EDNRB: variants seen among roughly 807,000 people sequenced by gnomAD.
EDNRB encodes the protein endothelin receptor type B.
EDNRB carries 18 observed loss-of-function variants against 46.4 expected under a neutral mutation model. That is an observed-to-expected ratio of 0.39 (90% CI 0.27 to 0.57). The LOEUF is 0.57. Among genes scored for constraint, EDNRB ranks in the 20% least tolerant of loss-of-function variants. The probability of loss-of-function intolerance (pLI) is 0.61; values close to 1 mark genes in which losing one functional copy is unlikely to be tolerated. For synonymous variants in EDNRB, 213 were observed against 204.9 expected (o/e 1.04, Z -0.34); for missense variants, 434 against 537.5 (o/e 0.81, Z 1.90).
At chr13:77,944,483 G>T (rs1158569447) in intron 1 of EDNRB, among the ~76,000 whole-genome samples, 1 of 151,628 alleles carries the variant, frequency 6.6e-6, no homozygotes, top group Non-Finnish European at 1.5e-5. Context: ...TTTTAACCAT[G>T]TATAGGCATC....
chr13:77,927,019 A>G (rs1880258046), intron 1 of EDNRB, among the ~76,000 whole-genome samples: 1 of 152,212 alleles, frequency 6.6e-6, no homozygotes, highest in Non-Finnish European at 1.5e-5. Context: ...CCATGATTCA[A>G]ATTATTTCCC....
In EDNRB at chr13:77,898,081, T is replaced by A; in HGVS notation, c.*119A>T. 3 of 1,504,280 alleles carry A rather than the reference T, an allele frequency of 2.0e-6. No homozygotes were observed. In the South Asian group the frequency reaches 3.8e-5, roughly 19 times the overall value. The allele number at this position is 1,504,280 out of a possible 1,614,324, so 93.2% of individuals were successfully genotyped here. On this transcript the variant is annotated 3_prime_UTR_variant, in exon 7 of 7. Coordinates refer to ENST00000646607, the MANE Select transcript of EDNRB (RefSeq NM_001122659.3). ...AGTGTTAAAATAATTACACTTAATA[T>A]TTTAATAGTGTGCTGTGCAAATACA...
intron 1 of EDNRB, among the ~76,000 whole-genome samples, chr13:77,905,648 A>T (rs1470724982): frequency 6.6e-6 from 1 of 151,968 alleles, no homozygotes; most frequent in Non-Finnish European, 1.5e-5. Context: ...GTGGGATTTG[A>T]GGTGTTTTCT....
chr13:77,918,757 G>A lies in EDNRB; in HGVS notation c.-184C>T. The A allele has an allele frequency of 1.5e-6, 2 of 1,336,500 alleles. No homozygotes were observed. Among genetic ancestry groups the A allele is most frequent in the African/African-American group, 3.0e-5 (2 of 66,496 alleles). 82.8% of individuals were successfully genotyped at this position (1,336,500 alleles called of 1,614,324 possible). A position where few individuals can be genotyped will look rare whatever the true frequency, so the allele number is the denominator to read the frequency against. ...AAAAGTAACTCAAGTTTGCGCGCCA[G>A]TGGGAAACTTGGCGCTCATGACTCG... is the stretch of plus-strand genomic sequence containing the variant. On this transcript the variant is annotated 5_prime_UTR_variant, in exon 1 of 7. Transcript: ENST00000646607. The surrounding 1 kb of genome is among the most constrained non-coding windows in gnomAD (Gnocchi z 4.5).
chr13:77,969,950 G>A (rs1362335420), intron 1 of EDNRB, among the ~76,000 whole-genome samples: 2 of 151,518 alleles, frequency 1.3e-5, no homozygotes, highest in Admixed American at 6.6e-5. Flanking sequence ...CAAGAGACAT[G>A]ATGTTTGAAA....
chr13:77,954,730 C>A (rs1881186129), intron 1 of EDNRB, among the ~76,000 whole-genome samples: 2 of 152,056 alleles, frequency 1.3e-5, no homozygotes, highest in South Asian at 4.1e-4. Flanking sequence ...TGGCCTCGAA[C>A]TCCTGACCTC....
chr13:77,911,240 G>A, intron 1 of EDNRB, among the ~76,000 whole-genome samples: 1 of 151,952 alleles, frequency 6.6e-6, no homozygotes, highest in Admixed American at 6.6e-5. Context: ...AGAACCTGAG[G>A]GCCTCCTGGC....
intron 1 of EDNRB, among the ~76,000 whole-genome samples, chr13:77,964,808 A>AT (rs1566341015): frequency 7.0e-6 from 1 of 142,046 alleles, no homozygotes; most frequent in Non-Finnish European, 1.6e-5. Context: ...AAAACTATAT[A>AT]AAAAAAAAAA....
intron 1 of EDNRB, among the ~76,000 whole-genome samples, chr13:77,951,594 T>G (rs1881091611): frequency 6.6e-6 from 1 of 151,950 alleles, no homozygotes; most frequent in Non-Finnish European, 1.5e-5. Context: ...ACCAAGAAAT[T>G]GATTGGTGCA....
At chr13:77,975,386 C>G (rs535883700) in exon 1 of EDNRB, 1 of 152,464 alleles carries the variant, frequency 6.6e-6, no homozygotes, top group South Asian at 2.1e-4. Flanking sequence ...CAGTTCCTTC[C>G]CAGTGTTCAG....
At chr13:77,956,234 C>A (rs777037770) in intron 1 of EDNRB, among the ~76,000 whole-genome samples, 2 of 152,092 alleles carry the variant, frequency 1.3e-5, no homozygotes, top group Non-Finnish European at 2.9e-5. Context: ...TGAATATGTT[C>A]ACCCTCTTGG....
At chr13:77,970,310 G>A (rs899024773) in intron 1 of EDNRB, among the ~76,000 whole-genome samples, 16 of 152,222 alleles carry the variant, frequency 1.1e-4, no homozygotes, top group African/African-American at 3.1e-4. Context: ...TCAAAGGGAA[G>A]CTATAGAACG....
chr13:77,951,873 A>G (rs1594393398), intron 1 of EDNRB, among the ~76,000 whole-genome samples: 2 of 152,190 alleles, frequency 1.3e-5, no homozygotes, highest in African/African-American at 4.8e-5. Flanking sequence ...TCAAGTATGC[A>G]CCCCACTTAC....
At chr13:77,947,280 C>G (rs1176236618) in intron 1 of EDNRB, among the ~76,000 whole-genome samples, 2 of 150,956 alleles carry the variant, frequency 1.3e-5, no homozygotes, top group Non-Finnish European at 3.0e-5. Context: ...ATTGGATGAC[C>G]ACCTCAACAT....
rs115925218 is a variant in EDNRB, at chr13:77,907,239, C to T, written c.484-3632G>A. On this transcript the variant is annotated intron_variant, in intron 1 of 6. Coordinates refer to ENST00000646607, the MANE Select transcript of EDNRB (RefSeq NM_001122659.3). Reference sequence around the variant, plus strand: ...TTTGTGGACTCAGAACAGCAGATTGCCTTACCCTAGGTGGGTGGCCATTAT... The same window carrying T: ...TTTGTGGACTCAGAACAGCAGATTGTCTTACCCTAGGTGGGTGGCCATTAT... 3.5e-3 allele frequency among the ~76,000 whole-genome samples: 534 copies of T among 152,006 alleles called. 5 individuals are homozygous for T. Among genetic ancestry groups the T allele is most frequent in the African/African-American group, 0.012 (497 of 41,502 alleles).
intron 1 of EDNRB, among the ~76,000 whole-genome samples, chr13:77,970,169 C>T (rs556120116): frequency 6.6e-6 from 1 of 152,134 alleles, no homozygotes; most frequent in African/African-American, 2.4e-5. Context: ...TGTATTTATA[C>T]CCATACTTAT....
At chr13:77,919,180 C>A, upstream of EDNRB, 1 of 593,908 alleles carries the variant, frequency 1.7e-6, no homozygotes, top group East Asian at 3.2e-5. Context: ...CGGAAACCCG[C>A]AGAGACTTCT....
At chr13:77,973,934 T>A (rs1490887247) in intron 1 of EDNRB, among the ~76,000 whole-genome samples, 1 of 137,586 alleles carries the variant, frequency 7.3e-6, no homozygotes, top group African/African-American at 3.0e-5. Context: ...CCCCCCTTTT[T>A]TCCTTTTTTT....
chr13:77,946,603 A>G (rs573925912), intron 1 of EDNRB, among the ~76,000 whole-genome samples: 2 of 152,298 alleles, frequency 1.3e-5, no homozygotes, highest in South Asian at 4.1e-4. Context: ...TTTCAACTCT[A>G]TGTTGGTGGC....
Sources: gnomAD v4.1 joint callset for allele counts (sites outside exome capture counted in the v4.1 genomes callset) on GRCh38, gnomAD v4.1.1 for gene constraint, Gnocchi (gnomAD v3.1) non-coding constraint, MANE v1.5 for transcripts, NCBI Gene and HGNC (gene_info 2026-07-23, HGNC 2026-07-21) for gene names.